TMEM175: variants seen among roughly 807,000 people sequenced by gnomAD.
The protein encoded by TMEM175 is endosomal/lysosomal proton channel TMEM175.
In TMEM175, 36 loss-of-function variants were observed where a neutral mutation model predicts 36.5. The observed-to-expected ratio is 0.99, with a 90% CI of 0.76 to 1.30. The LOEUF is 1.30. Ranked by LOEUF, TMEM175 falls within the 50% of genes most tolerant of loss-of-function variation. The pLI is 0.00. For synonymous variants in TMEM175, 339 were observed against 313.4 expected (o/e 1.08, Z -0.86); for missense variants, 705 against 692.8 (o/e 1.02, Z -0.20).
At chr4:949,779 T>A (rs2153001619) in intron 3 of TMEM175, among the ~76,000 whole-genome samples, 1 of 141,964 alleles carries the variant, frequency 7.0e-6, no homozygotes, top group East Asian at 2.0e-4. Context: ...GCCTTCGGGG[T>A]CCCTCGCAGC....
At position 932,477 on chromosome 4, in the gene TMEM175, G is replaced by A; in HGVS notation, c.-95G>A. ...CTTGCGATGAACTTCCGGCTGTCAA[G>A]CTCCCGGCCGGGCTGACTCAAGCGG... On this transcript the variant is annotated 5_prime_UTR_variant, in exon 1 of 11. Transcript: ENST00000264771. The surrounding 1 kb of genome is among the most constrained non-coding windows in gnomAD (Gnocchi z 4.0). 2.0e-6 allele frequency: 1 copy of A among 489,220 alleles called. No individual in the cohort carries two copies. The highest frequency in any genetic ancestry group is 3.5e-6 in the Non-Finnish European group (1 of 288,994). 30.3% of individuals were successfully genotyped at this position (489,220 alleles called of 1,614,324 possible).
At chr4:943,756 C>T (rs1259557789) in intron 1 of TMEM175, among the ~76,000 whole-genome samples, 1 of 152,202 alleles carries the variant, frequency 6.6e-6, no homozygotes, top group Admixed American at 6.5e-5. Flanking sequence ...CATGTTTACA[C>T]AAATGCCTGT....
intron 9 of TMEM175, 96 bp downstream of exon 9, chr4:955,579 C>G: frequency 6.8e-7 from 1 of 1,465,478 alleles, no homozygotes; most frequent in South Asian, 1.2e-5. Flanking sequence ...GGCCGAGGCC[C>G]GTGTGCGTGG....
At chr4:950,349 G>T in intron 3 of TMEM175, 72 bp from the exon 4 acceptor site, 1 of 1,267,092 alleles carries the variant, frequency 7.9e-7, no homozygotes, top group Non-Finnish European at 1.1e-6. Context: ...CCCCCCTCAC[G>T]GTGCTGTCTC....
intron 1 of TMEM175, among the ~76,000 whole-genome samples, chr4:934,715 C>T (rs1047833953): frequency 1.1e-4 from 17 of 152,016 alleles, no homozygotes; most frequent in Non-Finnish European, 8.8e-5. Context: ...CAGCCTAAAG[C>T]GGATGGAAGG....
chr4:952,758 GTGTGTGTGTGTGTGCTGTA>G (rs1224951400), intron 7 of TMEM175, among the ~76,000 whole-genome samples: 1 of 144,536 alleles, frequency 6.9e-6, no homozygotes, highest in Non-Finnish European at 1.5e-5. Flanking sequence ...GCCCTGTGCT[GTGTGTGTGTGTGTGCTGTA>G]TGTGTGTGTG....
intron 1 of TMEM175, chr4:945,933 A>G (rs1270112939): frequency 2.0e-5 from 3 of 152,184 alleles, no homozygotes; most frequent in Non-Finnish European, 4.4e-5. Context: ...TTCTGTTTCT[A>G]ACACGGCTCA....
At chr4:948,192 G>A in intron 3 of TMEM175, 38 bp downstream of exon 3, 1 of 1,614,058 alleles carries the variant, frequency 6.2e-7, no homozygotes, top group Non-Finnish European at 8.5e-7. Flanking sequence ...GTGTGGCCCT[G>A]CGAAGATATA....
At position 951,224 on chromosome 4, in the gene TMEM175, G is replaced by A. The variant is rs1196290241; in HGVS notation, c.308G>A (p.Gly103Glu). Residue 103 changes from glycine (G) to glutamate (E), a missense_variant, in exon 5 of 11, where the codon GGG becomes GAG. By Grantham distance (98) the Gly-to-Glu change is moderately conservative (BLOSUM62 -2). Coordinates refer to ENST00000264771, the MANE Select transcript of TMEM175 (RefSeq NM_032326.4). Reference protein sequence around the residue: ...AAHTRLFQVVGKTDDTLALLN... With the variant: ...AAHTRLFQVVEKTDDTLALLN... ...TGGTTTAGGTTGTTCCAAGTTGTTG[G>A]GAAAACAGACGACACACTTGCCCTG... The A allele has an allele frequency of 1.2e-6, 2 of 1,614,066 alleles. No individual in the cohort carries two copies. The highest frequency in any genetic ancestry group is 8.5e-7 in the Non-Finnish European group (1 of 1,180,000).
At chr4:934,501 T>C (rs775151603) in intron 1 of TMEM175, among the ~76,000 whole-genome samples, 16 of 152,188 alleles carry the variant, frequency 1.1e-4, no homozygotes, top group African/African-American at 2.2e-4. Context: ...AATAGCTTCA[T>C]TGGAGTAATG....
rs1726136109 is a variant in TMEM175 at position 932,653 on chromosome 4, G to A, written c.-32+113G>A. 3.0e-6 allele frequency: 1 copy of A among 329,272 alleles called. No individual in the cohort carries two copies. Among genetic ancestry groups the A allele is most frequent in the Non-Finnish European group, 5.5e-6 (1 of 181,706 alleles). The allele number at this position is 329,272 out of a possible 1,614,324, so 20.4% of individuals were successfully genotyped here. ...AGCGCTTCGCCATCCTCTGGGTGGA[G>A]TCAGCCTCCCGTTTGCTGTTAGCGC... On this transcript the variant is annotated intron_variant, in intron 1 of 10. Coordinates refer to ENST00000264771, the MANE Select transcript of TMEM175 (RefSeq NM_032326.4). The surrounding 1 kb of genome is among the most constrained non-coding windows in gnomAD (Gnocchi z 4.0).
At chr4:950,359 C>T (rs531683633) in intron 3 of TMEM175, 62 bp from the exon 4 acceptor site, 38 of 1,359,412 alleles carry the variant, frequency 2.8e-5, no homozygotes, top group African/African-American at 1.6e-4. Flanking sequence ...GGTGCTGTCT[C>T]GACTGCCATT....
rs1037553728 is a variant in TMEM175, at chr4:932,810, G to A, written c.-32+270G>A. On this transcript the variant is annotated intron_variant, in intron 1 of 10. Transcript: ENST00000264771. The surrounding 1 kb of genome is among the most constrained non-coding windows in gnomAD (Gnocchi z 4.0). The stretch of plus-strand genomic sequence containing the variant: ...CGGAGTTTCCTGTGACGCTTAGTGA[G>A]TAAGGTTGGCAGCCCCCTCCCAGCA... 6.6e-6 allele frequency among the ~76,000 whole-genome samples: 1 copy of A among 152,264 alleles called. No individual in the cohort carries two copies.
chr4:937,261 C>G (rs1458202279), intron 1 of TMEM175, among the ~76,000 whole-genome samples: 1 of 152,068 alleles, frequency 6.6e-6, no homozygotes, highest in Non-Finnish European at 1.5e-5. Flanking sequence ...CAAATCTTCC[C>G]TTAAAGAAGA....
chr4:952,305 C>A, intron 6 of TMEM175, 62 bp from the exon 7 acceptor site: 1 of 1,501,210 alleles, frequency 6.7e-7, no homozygotes, highest in South Asian at 1.1e-5. Context: ...GGCCCAGTTC[C>A]AGGCTCTGGG....
rs767888769 is a variant in TMEM175, at chr4:958,136, G to C, written c.1155G>C (p.Leu385=). 3.7e-6 allele frequency: 6 copies of C among 1,603,046 alleles called. No individual in the cohort carries two copies. The highest frequency in any genetic ancestry group is 1.6e-4 in the Middle Eastern group (1 of 6,084). ...GTGTCAGCTGCACCATCATCTTCCT[G>C]GCCAGCATCTTCCAGCTGGCCATGT... The part of the protein sequence containing the change: ...RVRVSCTIIF[L]ASIFQLAMWT... Residue 385 remains leucine, a synonymous_variant, in exon 11 of 11, where the codon CTG becomes CTC. Transcript: ENST00000264771.
Position 953,301 on chromosome 4 carries a change from G to A in TMEM175, c.574G>A (p.Gly192Ser). ...ACACGTCCTGGGCATCGTCCTCCAA[G>A]GCCCGGCCCTGTGCTTTGCAGCGGC... ...RRHVLGIVLQGPALCFAAAIF... is the reference protein window; with the variant it reads ...RRHVLGIVLQSPALCFAAAIF... The change falls in exon 8 of 11, where the codon GGC becomes AGC. Residue 192 changes from glycine (G) to serine (S), a missense_variant. Transcript: ENST00000264771. 1 of 1,614,080 alleles carries A rather than the reference G, an allele frequency of 6.2e-7. No homozygotes were observed. Among genetic ancestry groups the A allele is most frequent in the Non-Finnish European group, 8.5e-7 (1 of 1,179,976 alleles).
At chr4:939,842 G>A (rs956243964) in intron 1 of TMEM175, among the ~76,000 whole-genome samples, 1 of 152,232 alleles carries the variant, frequency 6.6e-6, no homozygotes, top group Non-Finnish European at 1.5e-5. Flanking sequence ...GAAATGTTCT[G>A]TGAGATTTTT....
At chr4:947,615 C>A (rs1035265287) in intron 1 of TMEM175, 94 bp from the exon 2 acceptor site, 73 of 945,664 alleles carry the variant, frequency 7.7e-5, no homozygotes, top group South Asian at 3.4e-4. Context: ...AGCCCCCCCC[C>A]ATACCAGTCC....
Sources: gnomAD v4.1 joint callset for allele counts (sites outside exome capture counted in the v4.1 genomes callset) on GRCh38, gnomAD v4.1.1 for gene constraint, Gnocchi (gnomAD v3.1) non-coding constraint, MANE v1.5 for transcripts, NCBI Gene and HGNC (gene_info 2026-07-23, HGNC 2026-07-21) for gene names.